The following CACNA1C variants were observed in gnomAD, a reference collection of about 807,000 sequenced individuals.
CACNA1C encodes the protein voltage-dependent L-type calcium channel subunit alpha-1C.
In CACNA1C, 30 loss-of-function variants were observed where a neutral mutation model predicts 229.0. That is an observed-to-expected ratio of 0.13 (90% confidence interval 0.10 to 0.18). The LOEUF (loss-of-function observed/expected upper bound fraction) is 0.18, where lower values mean the gene tolerates loss of function less well. CACNA1C is among the 10% of genes least tolerant of loss of function. The probability of loss-of-function intolerance (pLI) is 1.00; values close to 1 mark genes in which losing one functional copy is unlikely to be tolerated. For synonymous variants in CACNA1C, 1,114 were observed against 1,132.5 expected, an observed-to-expected ratio of 0.98 and a Z score of 0.33; for missense variants, 1,658 against 2,845.0, an observed-to-expected ratio of 0.58 and a Z score of 9.49.
At chr12:2,255,696 G>A (rs949908734) in intron 3 of CACNA1C, among the ~76,000 whole-genome samples, 1 of 152,132 alleles carries the variant, frequency 6.6e-6, no homozygotes, top group African/African-American at 2.4e-5. Flanking sequence ...GGATAAGTCA[G>A]ATGAGATTCC....
chr12:2,308,802 C>T (rs2095252485), intron 3 of CACNA1C, among the ~76,000 whole-genome samples: 1 of 152,170 alleles, frequency 6.6e-6, no homozygotes, highest in Non-Finnish European at 1.5e-5. Flanking sequence ...AAACCCCACA[C>T]CTGTCAGAAT....
chr12:2,230,849 C>T (rs1438582564), intron 3 of CACNA1C, among the ~76,000 whole-genome samples: 1 of 152,186 alleles, frequency 6.6e-6, no homozygotes, highest in Non-Finnish European at 1.5e-5. Flanking sequence ...AAAGAATGAT[C>T]TGGTGAGGTG....
At chr12:2,309,832 G>A (rs1001498776) in intron 3 of CACNA1C, among the ~76,000 whole-genome samples, 24 of 152,216 alleles carry the variant, frequency 1.6e-4, no homozygotes, top group Admixed American at 4.6e-4. Context: ...AAGAAATGAG[G>A]AAGTGGAGCA....
At chr12:1,972,149 C>A (rs570901994) in intron 1 of CACNA1C, among the ~76,000 whole-genome samples, 7 of 152,316 alleles carry the variant, frequency 4.6e-5, no homozygotes, top group African/African-American at 1.7e-4. Flanking sequence ...TGGAAAGCCA[C>A]GGAAACGTGG....
intron 4 of CACNA1C, among the ~76,000 whole-genome samples, chr12:2,453,674 G>A (rs1270303501): frequency 1.3e-5 from 2 of 151,968 alleles, no homozygotes; most frequent in South Asian, 2.1e-4. Flanking sequence ...TCACCACCCC[G>A]CTGCAGAAAC....
intron 30 of CACNA1C, 68 bp from the exon 31 acceptor site, chr12:2,648,407 G>A: frequency 6.9e-7 from 1 of 1,441,414 alleles, no homozygotes; most frequent in Non-Finnish European, 9.8e-7. Context: ...TGTCAGCCAA[G>A]ACCTAGAATA....
chr12:2,422,884 G>C (rs2098992724), intron 3 of CACNA1C, among the ~76,000 whole-genome samples: 1 of 152,164 alleles, frequency 6.6e-6, no homozygotes, highest in African/African-American at 2.4e-5. Context: ...AACAAACGCT[G>C]GCCAGGTCAG....
intron 3 of CACNA1C, chr12:2,288,656 G>C (rs1445191181): frequency 6.6e-6 from 1 of 152,140 alleles, no homozygotes; most frequent in Admixed American, 6.5e-5. Context: ...CCTTCTGTCT[G>C]TTTTCCCTCA....
intron 1 of CACNA1C, among the ~76,000 whole-genome samples, chr12:2,028,131 G>C (rs1298037240): frequency 6.6e-6 from 1 of 152,238 alleles, no homozygotes; most frequent in African/African-American, 2.4e-5. Context: ...TAAGGATGCA[G>C]TATTTGAATT....
intron 5 of CACNA1C, among the ~76,000 whole-genome samples, chr12:2,484,308 ATGTGGTGGCCC>A (rs1193131008): frequency 6.6e-6 from 1 of 152,158 alleles, no homozygotes; most frequent in East Asian, 1.9e-4. Flanking sequence ...GGAACAGCAT[ATGTGGTGGCCC>A]TGTGGTGGGA....
chr12:2,391,492 A>G (rs1402326513), intron 3 of CACNA1C, among the ~76,000 whole-genome samples: 1 of 152,212 alleles, frequency 6.6e-6, no homozygotes, highest in Admixed American at 6.5e-5. Context: ...GGAGGGAACC[A>G]AGAACAGGAC....
At position 2,275,429 on chromosome 12, in the gene CACNA1C, C is replaced by T. The variant is rs1346844918; in HGVS notation, c.477+154999C>T. 6.6e-6 allele frequency among the ~76,000 whole-genome samples: 1 copy of T among 152,150 alleles called. No homozygotes were observed. The highest frequency in any genetic ancestry group is 1.9e-4 in the East Asian group (1 of 5,172). ...CGCACAGATTGTCTGGTGAGCCCGC[C>T]AGCTGTACCGCATCGCTCTGTGCAT... is the stretch of plus-strand genomic sequence containing the variant. On this transcript the variant is annotated intron_variant, in intron 3 of 46. Transcript: ENST00000399655. The surrounding 1 kb of genome is among the most constrained non-coding windows in gnomAD (Gnocchi z 4.1).
At chr12:2,406,174 A>G (rs916376549) in intron 3 of CACNA1C, among the ~76,000 whole-genome samples, 3 of 151,984 alleles carry the variant, frequency 2.0e-5, no homozygotes, top group African/African-American at 7.3e-5. Context: ...CCCTTGCACT[A>G]CTCTCAAGAT....
intron 3 of CACNA1C, among the ~76,000 whole-genome samples, chr12:2,179,587 A>G (rs1173806681): frequency 1.3e-5 from 2 of 152,210 alleles, no homozygotes; most frequent in African/African-American, 4.8e-5. Flanking sequence ...TATTATTGCA[A>G]TTAGTGGAAT....
chr12:2,080,349 T>C (rs1008750812), intron 1 of CACNA1C, among the ~76,000 whole-genome samples: 1 of 151,828 alleles, frequency 6.6e-6, no homozygotes, highest in African/African-American at 2.4e-5. Context: ...TGCCTGTAAT[T>C]CCAGCACTTT....
In CACNA1C at chr12:2,285,753, C is replaced by T. The variant is rs777557727; in HGVS notation, c.478-163223C>T. On this transcript the variant is annotated intron_variant, in intron 3 of 46. Transcript: ENST00000399655. This position sits in a 1 kb window ranked among gnomAD's most constrained non-coding sequence, Gnocchi z 4.2. ...TTTCTCAACCTGTTGCTAACGTGCT[C>T]ATTCGAGAGAGGCTGGTGCGCACCT... is the stretch of plus-strand genomic sequence containing the variant. Among the ~76,000 whole-genome samples, 8 of 152,148 alleles carry T rather than the reference C, an allele frequency of 5.3e-5. No homozygotes were observed. Among genetic ancestry groups the T allele is most frequent in the East Asian group, 1.9e-4 (1 of 5,192 alleles).
chr12:2,460,192 A>T (rs914130248), intron 5 of CACNA1C, among the ~76,000 whole-genome samples: 6 of 152,216 alleles, frequency 3.9e-5, no homozygotes, highest in African/African-American at 1.4e-4. Context: ...GGAGGTGCTC[A>T]CAAAATGGGG....
chr12:2,615,794 C>T (rs986481312), intron 29 of CACNA1C, among the ~76,000 whole-genome samples: 2 of 152,216 alleles, frequency 1.3e-5, no homozygotes, highest in African/African-American at 2.4e-5. Flanking sequence ...CTGAGGTTTG[C>T]TGTCGAGGAT....
intron 3 of CACNA1C, among the ~76,000 whole-genome samples, chr12:2,435,830 C>T (rs749392850): frequency 6.6e-5 from 10 of 152,166 alleles, no homozygotes; most frequent in Non-Finnish European, 1.3e-4. Flanking sequence ...GAAGCAGGAG[C>T]GAGGTCTTGC....
Sources: allele counts gnomAD v4.1 joint callset (sites outside exome capture counted in the v4.1 genomes callset), GRCh38; gene constraint gnomAD v4.1.1; non-coding constraint Gnocchi (gnomAD v3.1); transcripts MANE v1.5; gene names NCBI Gene and HGNC (gene_info 2026-07-23, HGNC 2026-07-21).